TAFA5: variants seen among roughly 807,000 people sequenced by gnomAD.
The protein encoded by TAFA5 is TAFA chemokine like family member 5.
A neutral mutation model predicts 15.3 loss-of-function variants in TAFA5; 6 were observed. The observed-to-expected ratio is 0.39, with a 90% CI of 0.21 to 0.77. The LOEUF (loss-of-function observed/expected upper bound fraction) is 0.77, where lower values mean the gene tolerates loss of function less well. Among genes scored for constraint, TAFA5 ranks in the 30% least tolerant of loss-of-function variants. The pLI, the probability that TAFA5 is intolerant of heterozygous loss-of-function variation, is 0.41. For missense variants in TAFA5, 161 were observed against 193.1 expected, an observed-to-expected ratio of 0.83 and a Z score of 0.98; for synonymous variants, 103 against 80.7, an observed-to-expected ratio of 1.28 and a Z score of -1.48.
intron 3 of TAFA5, among the ~76,000 whole-genome samples, chr22:48,711,139 A>G (rs756943621): frequency 4.6e-5 from 7 of 152,140 alleles, no homozygotes; most frequent in Non-Finnish European, 7.3e-5. Flanking sequence ...GTCTGACTGT[A>G]GCAGGACACT....
chr22:48,518,037 C>T (rs572803166), intron 1 of TAFA5, among the ~76,000 whole-genome samples: 91 of 152,322 alleles, frequency 6.0e-4, no homozygotes, highest in African/African-American at 2.1e-3. Flanking sequence ...TGGTCACAGG[C>T]GGCTGGATGG....
chr22:48,611,500 G>T (rs1925408995), intron 1 of TAFA5, among the ~76,000 whole-genome samples: 2 of 152,182 alleles, frequency 1.3e-5, no homozygotes, highest in Admixed American at 1.3e-4. Flanking sequence ...GGGATCTGTG[G>T]CGGGAGCTAT....
chr22:48,636,815 T>C (rs1926467462), intron 1 of TAFA5, among the ~76,000 whole-genome samples: 1 of 151,906 alleles, frequency 6.6e-6, no homozygotes. Flanking sequence ...TGAGCAGGAG[T>C]CTGGCATCTT....
At chr22:48,577,815 C>G (rs1266837424) in intron 1 of TAFA5, among the ~76,000 whole-genome samples, 3 of 152,198 alleles carry the variant, frequency 2.0e-5, no homozygotes, top group Admixed American at 2.0e-4. Flanking sequence ...CTGCTGCGGG[C>G]TTGGCCTGCC....
intron 1 of TAFA5, among the ~76,000 whole-genome samples, chr22:48,623,060 C>T (rs13056379): frequency 0.25 from 38,497 of 152,228 alleles, 5,221 homozygotes; most frequent in Admixed American, 0.3. Context: ...CAGAAGAGGG[C>T]GAGCTCGGCC....
intron 1 of TAFA5, among the ~76,000 whole-genome samples, chr22:48,628,243 G>C (rs962040551): frequency 6.6e-6 from 1 of 152,200 alleles, no homozygotes; most frequent in Non-Finnish European, 1.5e-5. Flanking sequence ...GGCCAGGCGC[G>C]TGGGGACATG....
intron 1 of TAFA5, among the ~76,000 whole-genome samples, chr22:48,542,711 T>C (rs1922500026): frequency 7.0e-6 from 1 of 143,092 alleles, no homozygotes; most frequent in Non-Finnish European, 1.5e-5. Context: ...GTGATGTGTG[T>C]ATTAGTGTGT....
chr22:48,698,429 A>G (rs1928796861), intron 2 of TAFA5, among the ~76,000 whole-genome samples: 1 of 150,838 alleles, frequency 6.6e-6, no homozygotes, highest in Non-Finnish European at 1.5e-5. Flanking sequence ...GGTGGTTGTG[A>G]TGGTGGTGGT....
At chr22:48,542,799 A>G (rs1194271914) in intron 1 of TAFA5, among the ~76,000 whole-genome samples, 1 of 101,870 alleles carries the variant, frequency 9.8e-6, no homozygotes, top group Non-Finnish European at 2.0e-5. Context: ...TGTGGTGTAC[A>G]GTGTGTGATG....
At chr22:48,584,915 A>C (rs1265010935) in intron 1 of TAFA5, among the ~76,000 whole-genome samples, 1 of 148,636 alleles carries the variant, frequency 6.7e-6, no homozygotes, top group Non-Finnish European at 1.5e-5. Flanking sequence ...CACACACACC[A>C]CACACACACA....
chr22:48,720,785 T>A (rs886594048), intron 3 of TAFA5, among the ~76,000 whole-genome samples: 7 of 152,176 alleles, frequency 4.6e-5, no homozygotes, highest in African/African-American at 1.7e-4. Context: ...TCGAGACGTA[T>A]TTCTGAGCAG....
At chr22:48,627,525 C>G (rs548743007) in intron 1 of TAFA5, among the ~76,000 whole-genome samples, 6 of 152,392 alleles carry the variant, frequency 3.9e-5, no homozygotes, top group Admixed American at 2.6e-4. Context: ...GCCCTGCCCC[C>G]CCAGGTAGTT....
chr22:48,717,027 C>T (rs529270610), intron 3 of TAFA5, among the ~76,000 whole-genome samples: 41 of 152,170 alleles, frequency 2.7e-4, no homozygotes, highest in African/African-American at 8.4e-4. Flanking sequence ...TTCTAAAAAT[C>T]TCTCCAGAAC....
intron 1 of TAFA5, chr22:48,545,295 C>T (rs114411307): frequency 6.8e-4 from 166 of 244,548 alleles, no homozygotes; most frequent in African/African-American, 3.3e-3. Context: ...TTCCTGGTGG[C>T]CCCTGCCTCA....
At chr22:48,670,494 CAGG>C (rs1927767587) in intron 2 of TAFA5, among the ~76,000 whole-genome samples, 1 of 152,250 alleles carries the variant, frequency 6.6e-6, no homozygotes, top group Admixed American at 6.5e-5. Context: ...AGCTCAGACT[CAGG>C]AGAGCTGCCG....
intron 3 of TAFA5, among the ~76,000 whole-genome samples, chr22:48,745,453 A>G (rs1569103321): frequency 1.5e-5 from 2 of 134,552 alleles, no homozygotes; most frequent in Admixed American, 7.9e-5. Context: ...CACCCTGAGC[A>G]TGGGCACACA....
At chr22:48,495,296 C>T (rs942819435) in intron 1 of TAFA5, among the ~76,000 whole-genome samples, 4 of 152,186 alleles carry the variant, frequency 2.6e-5, no homozygotes, top group African/African-American at 9.6e-5. Flanking sequence ...TCTAGCCATG[C>T]GCCAAGCCCC....
intron 1 of TAFA5, among the ~76,000 whole-genome samples, chr22:48,562,189 G>A (rs1419363060): frequency 6.6e-6 from 1 of 152,034 alleles, no homozygotes; most frequent in South Asian, 2.1e-4. Context: ...CCAGGTTGGA[G>A]TGCAGTGGCG....
At chr22:48,507,601 TGGCCCCAGAAAG>T (rs1489679251) in intron 1 of TAFA5, among the ~76,000 whole-genome samples, 2 of 152,202 alleles carry the variant, frequency 1.3e-5, no homozygotes, top group African/African-American at 4.8e-5. Flanking sequence ...GGGTTGTCTT[TGGCCCCAGAAAG>T]GGCCTGTTTC....
Sources: allele counts gnomAD v4.1 joint callset (sites outside exome capture counted in the v4.1 genomes callset), GRCh38; gene constraint gnomAD v4.1.1; transcripts MANE v1.5; gene names NCBI Gene and HGNC (gene_info 2026-07-23, HGNC 2026-07-21).